The following PDE3A variants were observed in gnomAD, a reference collection of about 807,000 sequenced individuals.
PDE3A encodes the protein phosphodiesterase 3A.
In PDE3A, 43 loss-of-function variants were observed where a neutral mutation model predicts 98.3. The observed-to-expected ratio is 0.44, with a 90% CI of 0.34 to 0.56. The LOEUF (loss-of-function observed/expected upper bound fraction) is 0.56. Among genes scored for constraint, PDE3A ranks in the 20% least tolerant of loss-of-function variants. The pLI is 0.01. For missense variants in PDE3A, 1,427 were observed against 1,440.7 expected (o/e 0.99, Z 0.15); for synonymous variants, 663 against 567.9 (o/e 1.17, Z -2.38).
At chr12:20,602,395 T>TA (rs1456556156) in intron 2 of PDE3A, among the ~76,000 whole-genome samples, 4 of 152,244 alleles carry the variant, frequency 2.6e-5, no homozygotes, top group East Asian at 1.9e-4. Flanking sequence ...TTTGAGTTGT[T>TA]ACGTGAGTTC....
intron 1 of PDE3A, among the ~76,000 whole-genome samples, chr12:20,489,662 A>G (rs1038297444): frequency 6.6e-6 from 1 of 152,222 alleles, no homozygotes; most frequent in Non-Finnish European, 1.5e-5. Context: ...CTTAAAATTT[A>G]TAGTTAATCC....
intron 2 of PDE3A, among the ~76,000 whole-genome samples, chr12:20,571,327 A>G (rs1942797789): frequency 6.6e-6 from 1 of 152,132 alleles, no homozygotes; most frequent in African/African-American, 2.4e-5. Context: ...TTGAGGATTG[A>G]TACAGGTCTC....
intron 1 of PDE3A, among the ~76,000 whole-genome samples, chr12:20,512,882 C>T (rs1946253166): frequency 6.6e-6 from 1 of 152,030 alleles, no homozygotes; most frequent in Admixed American, 6.6e-5. Context: ...GTGGTAACAC[C>T]TATCATTATA....
At position 20,420,744 on chromosome 12, in the gene PDE3A, T is replaced by C. The variant is rs539095671; in HGVS notation, c.960+50500T>C. 2.6e-5 allele frequency among the ~76,000 whole-genome samples: 4 copies of C among 152,328 alleles called. No individual in the cohort carries two copies. The East Asian group carries it at 7.7e-4, about 29-fold the overall frequency. On this transcript the variant is annotated intron_variant, in intron 1 of 15. Transcript: ENST00000359062. Reference sequence around the variant, plus strand: ...GAGTGCTGAATAAAATCCCTGTGAATGCACACCGGGTTCTCTGAAAATACA... The same window carrying C: ...GAGTGCTGAATAAAATCCCTGTGAACGCACACCGGGTTCTCTGAAAATACA...
At chr12:20,538,321 C>T (rs1849186737) in intron 1 of PDE3A, among the ~76,000 whole-genome samples, 1 of 152,050 alleles carries the variant, frequency 6.6e-6, no homozygotes, top group South Asian at 2.1e-4. Context: ...ATCATTGCTT[C>T]ATCTCTAGAA....
At chr12:20,595,194 T>C (rs1943435965) in intron 2 of PDE3A, among the ~76,000 whole-genome samples, 1 of 152,186 alleles carries the variant, frequency 6.6e-6, no homozygotes, top group Non-Finnish European at 1.5e-5. Context: ...ACTCTGCTAC[T>C]GTCTATAGTA....
intron 2 of PDE3A, among the ~76,000 whole-genome samples, chr12:20,594,061 A>G (rs1943405205): frequency 6.6e-6 from 1 of 152,162 alleles, no homozygotes; most frequent in Admixed American, 6.5e-5. Flanking sequence ...TTTGATTAAG[A>G]TATTTATTAA....
intron 1 of PDE3A, among the ~76,000 whole-genome samples, chr12:20,501,215 A>G (rs568643492): frequency 2.6e-5 from 4 of 152,288 alleles, no homozygotes; most frequent in East Asian, 3.9e-4. Flanking sequence ...GAGTTGTACT[A>G]CTTTTCTCTT....
intron 1 of PDE3A, among the ~76,000 whole-genome samples, chr12:20,391,565 C>CA (rs983173753): frequency 2.0e-5 from 3 of 151,280 alleles, no homozygotes; most frequent in African/African-American, 7.3e-5. Context: ...GTTTATATAT[C>CA]ATAGTAAATT....
chr12:20,439,862 G>A lies in PDE3A; in HGVS notation c.960+69618G>A, dbSNP rs556994051. 2.0e-5 allele frequency among the ~76,000 whole-genome samples: 3 copies of A among 152,198 alleles called. No individual in the cohort carries two copies. In the East Asian group the frequency reaches 5.8e-4, roughly 29 times the overall value. On this transcript the variant is annotated intron_variant, in intron 1 of 15. Coordinates refer to ENST00000359062, the MANE Select transcript of PDE3A (RefSeq NM_000921.5). ...TGCATAAGTCAGTCTGGAAAAAATA[G>A]GAACAGACAGCTAGCACTATCTAGT...
intron 2 of PDE3A, among the ~76,000 whole-genome samples, chr12:20,564,008 A>G (rs1942594995): frequency 6.6e-6 from 1 of 152,140 alleles, no homozygotes; most frequent in South Asian, 2.1e-4. Flanking sequence ...CTATCATAGT[A>G]GGGATATTGC....
chr12:20,488,914 C>G (rs1012232857), intron 1 of PDE3A, among the ~76,000 whole-genome samples: 3 of 151,636 alleles, frequency 2.0e-5, no homozygotes, highest in African/African-American at 7.3e-5. Flanking sequence ...GAAGCAGTTC[C>G]CCTAATGATT....
chr12:20,387,665 G>A lies in PDE3A; in HGVS notation c.960+17421G>A, dbSNP rs148304437. The stretch of plus-strand genomic sequence containing the variant: ...CTGTTGACATACAGAGCACTTCAGT[G>A]ATAGGTGCTATATAAATATTTAAAT... On this transcript the variant is annotated intron_variant, in intron 1 of 15. Coordinates refer to ENST00000359062, the MANE Select transcript of PDE3A (RefSeq NM_000921.5). Among the ~76,000 whole-genome samples the A allele has an allele frequency of 7.5e-3, 1,135 of 152,116 alleles. 15 individuals carry two copies. Among genetic ancestry groups the A allele is most frequent in the African/African-American group, 0.026 (1,092 of 41,538 alleles).
At chr12:20,456,040 A>C (rs1342241493) in intron 1 of PDE3A, among the ~76,000 whole-genome samples, 1 of 152,184 alleles carries the variant, frequency 6.6e-6, no homozygotes, top group Non-Finnish European at 1.5e-5. Flanking sequence ...AAATGTTATG[A>C]AATGACTAAA....
chr12:20,426,231 C>T (rs766020925), intron 1 of PDE3A, among the ~76,000 whole-genome samples: 1 of 152,144 alleles, frequency 6.6e-6, no homozygotes, highest in African/African-American at 2.4e-5. Context: ...GAGTTCTCTG[C>T]TTGTTACTAG....
chr12:20,559,260 C>T (rs190323211), intron 2 of PDE3A, among the ~76,000 whole-genome samples: 153 of 152,100 alleles, frequency 1.0e-3, no homozygotes, highest in African/African-American at 3.5e-3. Context: ...TAACAATAGG[C>T]TACAGCATAT....
At chr12:20,419,339 G>C (rs1490399926) in intron 1 of PDE3A, among the ~76,000 whole-genome samples, 1 of 151,940 alleles carries the variant, frequency 6.6e-6, no homozygotes, top group African/African-American at 2.4e-5. Flanking sequence ...GTCATTGAGG[G>C]TGGAGTGCAG....
rs530329664 is a variant in PDE3A at position 20,651,077 on chromosome 12, G to A, written c.2925+477G>A. On this transcript the variant is annotated intron_variant, in intron 14 of 15. Coordinates refer to ENST00000359062, the MANE Select transcript of PDE3A (RefSeq NM_000921.5). ...TATATGTATATGTATATGGTAGTTC[G>A]AATGTATCTGTATATTAGATTAACT... 4.6e-5 allele frequency among the ~76,000 whole-genome samples: 7 copies of A among 152,136 alleles called. No individual in the cohort carries two copies. In the South Asian group the frequency reaches 1.5e-3, roughly 32 times the overall value.
rs113678910 is a variant in PDE3A, at chr12:20,559,564, G to A, written c.1011+2854G>A. 7.9e-5 allele frequency among the ~76,000 whole-genome samples: 12 copies of A among 151,578 alleles called. 1 individual carries two copies. Among genetic ancestry groups the A allele is most frequent in the African/African-American group, 1.5e-4 (6 of 41,336 alleles). On this transcript the variant is annotated intron_variant, in intron 2 of 15. Coordinates refer to ENST00000359062, the MANE Select transcript of PDE3A (RefSeq NM_000921.5). Reference sequence around the variant, plus strand: ...GTGGGTTCTGTAATCCCAGATACTCGGGAGGTTGAGACAGGAGAATCTCTT... The same window carrying A: ...GTGGGTTCTGTAATCCCAGATACTCAGGAGGTTGAGACAGGAGAATCTCTT...
Sources: gnomAD v4.1 joint callset for allele counts (sites outside exome capture counted in the v4.1 genomes callset) on GRCh38, gnomAD v4.1.1 for gene constraint, MANE v1.5 for transcripts, NCBI Gene and HGNC (gene_info 2026-07-23, HGNC 2026-07-21) for gene names.